Variants in EXO1 observed in about 807,000 individuals in gnomAD.
The protein encoded by EXO1 is exonuclease 1.
Under a neutral mutation model 84.5 loss-of-function variants are expected in EXO1, and 69 were observed. The observed-to-expected ratio is 0.82, with a 90% confidence interval of 0.67 to 1.00. The LOEUF is 1.00. Among genes scored for constraint, EXO1 ranks in the 50% least tolerant of loss-of-function variants. EXO1 has a pLI of 0.00. For synonymous variants in EXO1, 373 were observed against 366.1 expected (o/e 1.02, Z -0.21); for missense variants, 1,045 against 1,000.7 (o/e 1.04, Z -0.60).
intron 10 of EXO1, among the ~76,000 whole-genome samples, chr1:241,862,795 C>T (rs1661477432): frequency 6.6e-6 from 1 of 152,224 alleles, no homozygotes; most frequent in Non-Finnish European, 1.5e-5. Flanking sequence ...CCTCTTGCCT[C>T]TTTGAGTTGT....
intron 5 of EXO1, 117 bp downstream of exon 5, chr1:241,852,528 CT>C: frequency 1.1e-6 from 1 of 892,258 alleles, no homozygotes; most frequent in Non-Finnish European, 1.8e-6. Context: ...ACCTGTTGTC[CT>C]AGGTACTCGG....
At chr1:241,861,550 C>G (rs4149917) in intron 10 of EXO1, 48 bp downstream of exon 10, 3 of 1,007,548 alleles carry the variant, frequency 3.0e-6, no homozygotes, top group Non-Finnish European at 4.8e-6. Flanking sequence ...AGTTATGTCC[C>G]GAGCTGTGAT....
Position 241,878,979 on chromosome 1 carries a change from A to T in EXO1, c.1745A>T (p.Asp582Val), listed in dbSNP as rs1397717523. ...HIPDKATVFT[D>V]EESYSFESSK... ...CCAGACAAGGCAACAGTGTTTACAG[A>T]TGAAGAGTCCTACTCTTTTGAGAGC... is the stretch of plus-strand genomic sequence containing the variant. The change falls in exon 13 of 16, where the codon GAT becomes GTT. Residue 582 changes from aspartate (D) to valine (V), a missense_variant. Physicochemically the swap from Asp to Val is radical, Grantham distance 152. Coordinates refer to ENST00000366548, the MANE Select transcript of EXO1 (RefSeq NM_130398.4). 1.2e-6 allele frequency: 2 copies of T among 1,614,072 alleles called. No individual in the cohort carries two copies. Among genetic ancestry groups the T allele is most frequent in the South Asian group, 1.1e-5 (1 of 91,084 alleles).
intron 10 of EXO1, among the ~76,000 whole-genome samples, chr1:241,865,748 G>C (rs1661676693): frequency 6.6e-6 from 1 of 151,982 alleles, no homozygotes; most frequent in Non-Finnish European, 1.5e-5. Context: ...ATTTAGTCTG[G>C]TTTTCTACTT....
intron 11 of EXO1, among the ~76,000 whole-genome samples, chr1:241,870,046 G>A (rs573840771): frequency 7.2e-5 from 11 of 152,206 alleles, no homozygotes; most frequent in African/African-American, 2.2e-4. Flanking sequence ...TCCTGACCTC[G>A]TGATCCACCC....
chr1:241,872,946 G>A (rs1043921082), intron 12 of EXO1, among the ~76,000 whole-genome samples: 2 of 152,120 alleles, frequency 1.3e-5, no homozygotes, highest in African/African-American at 4.8e-5. Context: ...TTCCACAATG[G>A]TTGAATTAAT....
intron 11 of EXO1, among the ~76,000 whole-genome samples, chr1:241,867,409 T>TG (rs1558133537): frequency 6.6e-6 from 1 of 152,068 alleles, no homozygotes; most frequent in Admixed American, 6.6e-5. Context: ...AAGAACAGTA[T>TG]GGGGGAAACG....
intron 12 of EXO1, among the ~76,000 whole-genome samples, chr1:241,877,164 T>C (rs1188019331): frequency 6.6e-6 from 1 of 152,216 alleles, no homozygotes; most frequent in African/African-American, 2.4e-5. Flanking sequence ...TAGGTAGTTA[T>C]CACAGAAACG....
At position 241,853,261 on chromosome 1, in the gene EXO1, T is replaced by C; in HGVS notation, c.282-97T>C. On this transcript the variant is annotated intron_variant, in intron 5 of 15. Transcript: ENST00000366548. Reference sequence around the variant, plus strand: ...CTTTCTAATGAGTCAAAAACTTTTTTCAGTTCTAGGAAAGCTTCTTGAATT... The same window carrying C: ...CTTTCTAATGAGTCAAAAACTTTTTCCAGTTCTAGGAAAGCTTCTTGAATT... 2.1e-6 allele frequency: 3 copies of C among 1,405,384 alleles called. No homozygotes were observed. The African/African-American group carries it at 4.3e-5, about 20-fold the overall frequency. 87.1% of individuals were successfully genotyped at this position (1,405,384 alleles called of 1,614,324 possible).
At chr1:241,854,615 A>G (rs566447243) in intron 6 of EXO1, 2 of 152,430 alleles carry the variant, frequency 1.3e-5, no homozygotes, top group East Asian at 3.9e-4. Flanking sequence ...CAGAGCGTGA[A>G]GTATAAAGAA....
intron 12 of EXO1, among the ~76,000 whole-genome samples, chr1:241,875,692 C>A (rs943703278): frequency 1.3e-5 from 2 of 152,144 alleles, no homozygotes; most frequent in Non-Finnish European, 2.9e-5. Context: ...TCCTGGCTAA[C>A]ATGGTGAAAC....
chr1:241,853,626 A>G (rs1181004998), intron 6 of EXO1, 145 bp downstream of exon 6: 2 of 798,094 alleles, frequency 2.5e-6, no homozygotes, highest in Non-Finnish European at 4.2e-6. Flanking sequence ...AGGGAACAGC[A>G]TCACTAGATA....
chr1:241,880,378 G>A (rs1250178760), intron 13 of EXO1, among the ~76,000 whole-genome samples: 4 of 152,118 alleles, frequency 2.6e-5, no homozygotes, highest in African/African-American at 7.2e-5. Flanking sequence ...TATATTTCCA[G>A]CATGCATCTT....
At chr1:241,856,926 G>C (rs1016135511) in intron 6 of EXO1, among the ~76,000 whole-genome samples, 3 of 152,128 alleles carry the variant, frequency 2.0e-5, no homozygotes, top group Non-Finnish European at 4.4e-5. Context: ...CCACCTACTC[G>C]GGAGGCTGAG....
intron 12 of EXO1, 142 bp from the exon 13 acceptor site, chr1:241,878,607 T>G: frequency 3.3e-6 from 2 of 598,714 alleles, no homozygotes; most frequent in Non-Finnish European, 5.8e-6. Context: ...AAATTTAAGA[T>G]TTTTTATGCC....
At chr1:241,854,316 T>C (rs545303616) in intron 6 of EXO1, among the ~76,000 whole-genome samples, 85 of 152,270 alleles carry the variant, frequency 5.6e-4, no homozygotes, top group African/African-American at 1.9e-3. Flanking sequence ...TTTGTATTTT[T>C]AGTAGAGATG....
chr1:241,878,414 T>G lies in EXO1; in HGVS notation c.1515-335T>G, dbSNP rs954349416. On this transcript the variant is annotated intron_variant, in intron 12 of 15. Coordinates refer to ENST00000366548, the MANE Select transcript of EXO1 (RefSeq NM_130398.4). ...CAGGAGGCTGAGGCAGGAGAATTGC[T>G]TGAACCCGGGGGGCGGAGGTTGCAG... Among the ~76,000 whole-genome samples, 28 of 151,700 alleles carry G rather than the reference T, an allele frequency of 1.8e-4. 1 individual carries two copies. The highest frequency in any genetic ancestry group is 4.8e-5 in the African/African-American group (2 of 41,284).
rs536802837 is a variant in EXO1, at chr1:241,856,570, A to C, written c.406-775A>C. 9.2e-5 allele frequency among the ~76,000 whole-genome samples: 14 copies of C among 152,158 alleles called. No homozygotes were observed. In the East Asian group the frequency reaches 2.7e-3, roughly 29 times the overall value. On this transcript the variant is annotated intron_variant, in intron 6 of 15. Coordinates refer to ENST00000366548, the MANE Select transcript of EXO1 (RefSeq NM_130398.4). ...CCTACGTATATATTTTCCCCCCAAGACATTGCTGGATATGGTCTATAATTT... is the reference window on the plus strand; with the variant it reads ...CCTACGTATATATTTTCCCCCCAAGCCATTGCTGGATATGGTCTATAATTT...
intron 12 of EXO1, among the ~76,000 whole-genome samples, chr1:241,877,944 G>T (rs1002187036): frequency 2.0e-5 from 3 of 152,010 alleles, no homozygotes; most frequent in Admixed American, 6.6e-5. Flanking sequence ...CTTTAATTTT[G>T]CTTCCTACAA....
Sources: gnomAD v4.1 joint callset for allele counts (sites outside exome capture counted in the v4.1 genomes callset) on GRCh38, gnomAD v4.1.1 for gene constraint, MANE v1.5 for transcripts, NCBI Gene and HGNC (gene_info 2026-07-23, HGNC 2026-07-21) for gene names.